The following DMD variants were observed in gnomAD, a reference collection of about 807,000 sequenced individuals.
DMD encodes dystrophin, also known as mutant dystrophin.
In DMD, 63 loss-of-function variants were observed where a neutral mutation model predicts 330.1. The observed-to-expected ratio is 0.19, with a 90% CI of 0.16 to 0.24. The LOEUF (loss-of-function observed/expected upper bound fraction) is 0.24, where lower values mean the gene tolerates loss of function less well. Ranked by LOEUF, DMD falls within the 10% of genes least tolerant of loss-of-function variation. The probability of loss-of-function intolerance (pLI) is 1.00; values close to 1 mark genes in which losing one functional copy is unlikely to be tolerated. For synonymous variants in DMD, 1,223 were observed against 959.8 expected (o/e 1.27, Z -5.07); for missense variants, 3,344 against 2,684.1 (o/e 1.25, Z -5.43).
chrX:32,955,423 A>C (rs2091517153), intron 2 of DMD, among the ~76,000 whole-genome samples: 1 of 110,448 alleles, frequency 9.1e-6, no homozygotes, highest in South Asian at 3.8e-4. Context: ...GTTCCTTATA[A>C]ATGCTGGATT....
chrX:31,693,174 C>T (rs754863187), intron 52 of DMD, among the ~76,000 whole-genome samples: 25 of 111,594 alleles, frequency 2.2e-4, no homozygotes, highest in Non-Finnish European at 4.5e-4. Flanking sequence ...GTACAAAAAC[C>T]GTATGATCAT....
chrX:32,399,363 T>C (rs1244648266), intron 30 of DMD, among the ~76,000 whole-genome samples: 3 of 111,651 alleles, frequency 2.7e-5, no homozygotes, highest in Admixed American at 9.5e-5. Context: ...AACTAGAATA[T>C]ATAAAGAGCT....
intron 19 of DMD, among the ~76,000 whole-genome samples, chrX:32,499,966 T>A (rs1002010230): frequency 2.7e-5 from 3 of 111,362 alleles, no homozygotes. Context: ...ATTATTTTAT[T>A]TAATGGGGAA....
At chrX:32,391,269 C>T (rs1310968088) in intron 30 of DMD, among the ~76,000 whole-genome samples, 3 of 111,085 alleles carry the variant, frequency 2.7e-5, no homozygotes, top group Non-Finnish European at 5.7e-5. Context: ...TCATGCAGAT[C>T]ATTTTGCATA....
intron 42 of DMD, among the ~76,000 whole-genome samples, chrX:32,301,097 G>A (rs770118928): frequency 5.5e-5 from 6 of 108,380 alleles, no homozygotes; most frequent in Admixed American, 9.9e-5. Context: ...TATTATGCCC[G>A]TTTTATATAT....
intron 54 of DMD, among the ~76,000 whole-genome samples, chrX:31,643,359 A>T (rs2079890456): frequency 9.0e-6 from 1 of 111,682 alleles, no homozygotes; most frequent in African/African-American, 3.2e-5. Flanking sequence ...GTAAAAATTT[A>T]GTGTTTGTGA....
intron 47 of DMD, among the ~76,000 whole-genome samples, chrX:31,922,414 A>T (rs2094703221): frequency 9.0e-6 from 1 of 111,679 alleles, no homozygotes; most frequent in African/African-American, 3.3e-5. Flanking sequence ...CCAGCAAGTT[A>T]GTTGAACCCA....
At chrX:31,454,636 C>G (rs1481675354) in intron 59 of DMD, among the ~76,000 whole-genome samples, 1 of 112,092 alleles carries the variant, frequency 8.9e-6, no homozygotes, top group Non-Finnish European at 1.9e-5. Context: ...ACTGCTGAGT[C>G]CCACTTAGTG....
At chrX:31,992,473 C>T (rs1200298093) in intron 44 of DMD, among the ~76,000 whole-genome samples, 1 of 111,103 alleles carries the variant, frequency 9.0e-6, no homozygotes, top group African/African-American at 3.3e-5. Context: ...TGAAGTTATC[C>T]CTCATCATTG....
At chrX:31,863,914 T>C in intron 48 of DMD, among the ~76,000 whole-genome samples, 1 of 110,978 alleles carries the variant, frequency 9.0e-6, no homozygotes, top group South Asian at 3.8e-4. Context: ...AAAATATGAT[T>C]TAAATAAAAA....
At chrX:32,534,200 A>G (rs1200904241) in intron 17 of DMD, among the ~76,000 whole-genome samples, 3 of 112,137 alleles carry the variant, frequency 2.7e-5, no homozygotes, top group African/African-American at 9.7e-5. Context: ...TACCAGCAGG[A>G]TCAGTTCCTG....
At chrX:33,199,002 G>A (rs73457981) in intron 1 of DMD, among the ~76,000 whole-genome samples, 17,088 of 110,112 alleles carry the variant, frequency 0.16, 1,270 homozygotes, top group African/African-American at 0.28. Context: ...AAGCCAGTAA[G>A]GGGGCGAGGC....
intron 7 of DMD, among the ~76,000 whole-genome samples, chrX:32,759,972 A>G (rs1410867262): frequency 8.9e-6 from 1 of 111,999 alleles, no homozygotes; most frequent in East Asian, 2.8e-4. Context: ...GATAGAGGAT[A>G]AAAAAAGAAT....
intron 69 of DMD, 78 bp from the exon 70 acceptor site, chrX:31,178,883 C>T (rs942125073): frequency 9.1e-7 from 1 of 1,097,634 alleles, no homozygotes; most frequent in African/African-American, 1.8e-5. Flanking sequence ...TCTTCTGCCC[C>T]ATGACACTTG....
At chrX:32,784,919 T>C (rs1250670027) in intron 7 of DMD, among the ~76,000 whole-genome samples, 1 of 111,505 alleles carries the variant, frequency 9.0e-6, no homozygotes, top group Non-Finnish European at 1.9e-5. Flanking sequence ...CTGTATATCT[T>C]TTACTTCCTG....
intron 16 of DMD, among the ~76,000 whole-genome samples, chrX:32,557,671 A>G (rs905046881): frequency 1.1e-4 from 12 of 112,006 alleles, no homozygotes; most frequent in Non-Finnish European, 1.1e-4. Flanking sequence ...ATGGTAGCAC[A>G]AGGCACAAAA....
At chrX:31,483,040 CTTTTTTT>C (rs375059694) in intron 57 of DMD, among the ~76,000 whole-genome samples, 1 of 70,736 alleles carries the variant, frequency 1.4e-5, no homozygotes, top group Non-Finnish European at 2.7e-5. Context: ...GGAAATGGAT[CTTTTTTT>C]TTTTTTTTTT....
intron 9 of DMD, among the ~76,000 whole-genome samples, chrX:32,692,328 T>A (rs985820128): frequency 8.9e-6 from 1 of 112,063 alleles, no homozygotes; most frequent in Non-Finnish European, 1.9e-5. Context: ...ACAATTCTGT[T>A]TCTGGGTAAT....
At chrX:31,482,745 CAGG>C (rs2068408887) in intron 57 of DMD, among the ~76,000 whole-genome samples, 1 of 111,588 alleles carries the variant, frequency 9.0e-6, no homozygotes, top group Non-Finnish European at 1.9e-5. Flanking sequence ...GAAGACACGA[CAGG>C]AGGACAGAGA....
Sources: gnomAD v4.1 joint callset for allele counts (sites outside exome capture counted in the v4.1 genomes callset) on GRCh38, gnomAD v4.1.1 for gene constraint, MANE v1.5 for transcripts, NCBI Gene and HGNC (gene_info 2026-07-23, HGNC 2026-07-21) for gene names.